The following SLC11A2 variants were observed in gnomAD, a reference collection of about 807,000 sequenced individuals.
The protein encoded by SLC11A2 is solute carrier family 11 member 2.
A neutral mutation model predicts 68.0 loss-of-function variants in SLC11A2; 38 were observed. That is an observed-to-expected ratio of 0.56 (90% CI 0.43 to 0.73). The LOEUF (loss-of-function observed/expected upper bound fraction) is 0.73. Among genes scored for constraint, SLC11A2 ranks in the 30% least tolerant of loss-of-function variants. SLC11A2 has a pLI of 0.00. For synonymous variants in SLC11A2, 242 were observed against 250.6 expected (o/e 0.97, Z 0.32); for missense variants, 517 against 690.5 (o/e 0.75, Z 2.82).
In SLC11A2 at chr12:50,988,153, G is replaced by A; in HGVS notation, c.*172C>T. 6.6e-7 allele frequency: 1 copy of A among 1,519,502 alleles called. No homozygotes were observed. The highest frequency in any genetic ancestry group is 1.2e-5 in the South Asian group (1 of 83,056). The allele number at this position is 1,519,502 out of a possible 1,614,324, so 94.1% of individuals were successfully genotyped here. ...CCAGTTCTAAGGTTAGGTCAGGAAGGAAAAAATAATTCCATCTTTCAAATA... is the reference window on the plus strand; with the variant it reads ...CCAGTTCTAAGGTTAGGTCAGGAAGAAAAAAATAATTCCATCTTTCAAATA... On this transcript the variant is annotated 3_prime_UTR_variant, in exon 16 of 16. Transcript: ENST00000262052.
the SLC11A2 span, among the ~76,000 whole-genome samples, chr12:50,964,438 A>G: frequency 6.6e-6 from 1 of 152,244 alleles, no homozygotes; most frequent in Non-Finnish European, 1.5e-5. Flanking sequence ...ATCACAGGAC[A>G]TGGGAGTACC....
rs1226329247 is a variant in SLC11A2, at chr12:50,986,328, C to T, written c.*1997G>A. On this transcript the variant is annotated 3_prime_UTR_variant, in exon 16 of 16. Transcript: ENST00000262052. ...CACCCAGAGTACTGGTTAAAATGCA[C>T]TTTCTGTGAAGATCAAATGCAATAA... The T allele has an allele frequency of 1.6e-6, 2 of 1,285,122 alleles. No individual in the cohort carries two copies. 79.6% of individuals were successfully genotyped at this position (1,285,122 alleles called of 1,614,324 possible). A position where few individuals can be genotyped will look rare whatever the true frequency, so the allele number is the denominator to read the frequency against.
At chr12:51,000,918 C>T (rs1164979740) in intron 5 of SLC11A2, among the ~76,000 whole-genome samples, 1 of 152,016 alleles carries the variant, frequency 6.6e-6, no homozygotes, top group Non-Finnish European at 1.5e-5. Context: ...GTAATCCCAG[C>T]ACTTTGGGAG....
chr12:51,000,377 T>A lies in SLC11A2; in HGVS notation c.472A>T (p.Ile158Phe). The A allele has an allele frequency of 6.2e-7, 1 of 1,614,204 alleles. No homozygotes were observed. Residue 158 changes from isoleucine (I) to phenylalanine (F), a missense_variant, in exon 6 of 16, where the codon ATC becomes TTC. Transcript: ENST00000262052. ...ILWLMVELAI[I>F]GSDMQEVIGS... is the part of the protein sequence containing the mutation. ...ATGACTTCTTGCATGTCTGAGCCGA[T>A]GATAGCCAACTCCACCATCAGCCAC...
chr12:51,022,375 C>T (rs1944102442), intron 1 of SLC11A2, among the ~76,000 whole-genome samples: 1 of 146,908 alleles, frequency 6.8e-6, no homozygotes, highest in Admixed American at 6.9e-5. Context: ...AGCTTGAGAC[C>T]AGCCTGGGCA....
At chr12:51,000,137 G>A (rs879847376) in intron 6 of SLC11A2, among the ~76,000 whole-genome samples, 176 bp downstream of exon 6, 3 of 152,116 alleles carry the variant, frequency 2.0e-5, no homozygotes, top group Non-Finnish European at 4.4e-5. Context: ...CATGGGAAAC[G>A]GAAGATGTAG....
chr12:50,973,746 G>T, the SLC11A2 span, among the ~76,000 whole-genome samples: 1 of 152,136 alleles, frequency 6.6e-6, no homozygotes, highest in Non-Finnish European at 1.5e-5. Flanking sequence ...CTTGAAAAAA[G>T]ATTAGACGAA....
chr12:50,968,397 G>T, the SLC11A2 span, among the ~76,000 whole-genome samples: 22,327 of 151,264 alleles, frequency 0.15, 1,867 homozygotes, highest in South Asian at 0.26. Flanking sequence ...TTTTGTGTGT[G>T]TGTGGGGGGA....
chr12:50,978,999 C>T (rs1158453627), downstream of SLC11A2, among the ~76,000 whole-genome samples: 1 of 152,160 alleles, frequency 6.6e-6, no homozygotes, highest in Admixed American at 6.6e-5. Flanking sequence ...CTTTTTCTGA[C>T]ATTCTGTGTA....
chr12:50,961,056 CAT>C, the SLC11A2 span: 2 of 1,613,748 alleles, frequency 1.2e-6, no homozygotes, highest in East Asian at 2.2e-5. Context: ...ATCTTATTCA[CAT>C]GAGAGTTGCT....
At chr12:50,955,508 AAAATAGTTTACTT>A in the SLC11A2 span, among the ~76,000 whole-genome samples, 9 of 152,198 alleles carry the variant, frequency 5.9e-5, no homozygotes, top group Admixed American at 5.2e-4. Flanking sequence ...GGAAACTATT[AAAATAGTTTACTT>A]AAATCAGACT....
chr12:51,001,241 C>T (rs770315692), intron 5 of SLC11A2, among the ~76,000 whole-genome samples: 3 of 150,268 alleles, frequency 2.0e-5, no homozygotes, highest in Admixed American at 1.3e-4. Context: ...GGGATGCCAA[C>T]GTAGATCCCT....
At chr12:51,022,140 C>T (rs1352513204) in intron 1 of SLC11A2, among the ~76,000 whole-genome samples, 1 of 152,110 alleles carries the variant, frequency 6.6e-6, no homozygotes, top group Admixed American at 6.6e-5. Context: ...TCTAAACTTC[C>T]TCCTAACCAG....
At chr12:50,990,277 C>T (rs1363401025) in intron 15 of SLC11A2, among the ~76,000 whole-genome samples, 2 of 152,078 alleles carry the variant, frequency 1.3e-5, no homozygotes, top group African/African-American at 4.8e-5. Context: ...CCACATGTGT[C>T]CCACCCCGAA....
chr12:51,002,513 C>G (rs929417931), intron 5 of SLC11A2, among the ~76,000 whole-genome samples: 1 of 151,416 alleles, frequency 6.6e-6, no homozygotes, highest in African/African-American at 2.4e-5. Flanking sequence ...GTGGTGCGCA[C>G]CTGTAATCCC....
the SLC11A2 span, among the ~76,000 whole-genome samples, chr12:50,968,928 C>T: frequency 6.6e-6 from 1 of 152,168 alleles, no homozygotes; most frequent in South Asian, 2.1e-4. Context: ...ATCCTCCTCC[C>T]TTGGCCTTCC....
At chr12:50,962,687 ACTCCAT>A in the SLC11A2 span, among the ~76,000 whole-genome samples, 2 of 152,052 alleles carry the variant, frequency 1.3e-5, no homozygotes, top group African/African-American at 4.8e-5. Context: ...TCAGAGCAAG[ACTCCAT>A]CTCAAAAAAA....
At chr12:50,982,693 C>G (rs1350534086), downstream of SLC11A2, among the ~76,000 whole-genome samples, 2 of 152,120 alleles carry the variant, frequency 1.3e-5, no homozygotes, top group African/African-American at 4.8e-5. Flanking sequence ...CCTGTAATCC[C>G]AGCACTGTGG....
At chr12:50,960,592 C>T in the SLC11A2 span, among the ~76,000 whole-genome samples, 2 of 152,136 alleles carry the variant, frequency 1.3e-5, no homozygotes, top group African/African-American at 2.4e-5. Context: ...GGAGTCTTTC[C>T]TGCTTATCTT....
Sources: gnomAD v4.1 joint callset for allele counts (sites outside exome capture counted in the v4.1 genomes callset) on GRCh38, gnomAD v4.1.1 for gene constraint, MANE v1.5 for transcripts, NCBI Gene and HGNC (gene_info 2026-07-23, HGNC 2026-07-21) for gene names.